Variants in LMX1A observed in about 807,000 individuals in gnomAD.
LMX1A encodes the protein LIM homeobox transcription factor 1-alpha.
A neutral mutation model predicts 49.1 loss-of-function variants in LMX1A; 15 were observed. The ratio of observed to expected loss-of-function variants is 0.31; its 90% CI spans 0.20 to 0.47. LMX1A has a LOEUF of 0.47. LMX1A is among the 20% of genes least tolerant of loss of function. The probability of loss-of-function intolerance (pLI) is 1.00; values close to 1 mark genes in which losing one functional copy is unlikely to be tolerated. For missense variants in LMX1A, 372 were observed against 475.8 expected (o/e 0.78, Z 2.03); for synonymous variants, 167 against 185.7 (o/e 0.90, Z 0.82).
Position 165,278,548 on chromosome 1 carries a change from C to G in LMX1A, c.264-28908G>C, listed in dbSNP as rs541154970. 3.9e-3 allele frequency among the ~76,000 whole-genome samples: 593 copies of G among 152,196 alleles called. 3 individuals carry two copies. The highest frequency in any genetic ancestry group is 0.013 in the African/African-American group (560 of 41,528). ...CCACAAGTTTTTTTTTCCTTCCTGC[C>G]TGCTGCATTCTCTCTTCTCTCTTCC... On this transcript the variant is annotated intron_variant, in intron 3 of 8. Transcript: ENST00000342310.
chr1:165,336,838 A>C (rs1655912625), intron 3 of LMX1A, among the ~76,000 whole-genome samples: 1 of 152,238 alleles, frequency 6.6e-6, no homozygotes, highest in African/African-American at 2.4e-5. Flanking sequence ...ATGGAGATTA[A>C]AATCTGATGG....
At position 165,355,280 on chromosome 1, in the gene LMX1A, G is replaced by A. The variant is rs1209399124; in HGVS notation, c.76+204C>T. On this transcript the variant is annotated intron_variant, in intron 2 of 8. Coordinates refer to ENST00000342310, the MANE Select transcript of LMX1A (RefSeq NM_177398.4). The surrounding 1 kb of genome is among the most constrained non-coding windows in gnomAD (Gnocchi z 4.7). ...CTTTGGGGAATTCGGTGCCCAGTGC[G>A]TGAGGCCTGGGGCGGCTTGTTGGAT... Among the ~76,000 whole-genome samples the A allele has an allele frequency of 1.3e-5, 2 of 152,110 alleles. No individual in the cohort carries two copies. Among genetic ancestry groups the A allele is most frequent in the Non-Finnish European group, 2.9e-5 (2 of 68,042 alleles).
chr1:165,221,016 C>G (rs910797592), intron 4 of LMX1A, among the ~76,000 whole-genome samples: 1 of 152,120 alleles, frequency 6.6e-6, no homozygotes, highest in Non-Finnish European at 1.5e-5. Context: ...TACCACAACC[C>G]TATGAGACAG....
At chr1:165,293,004 C>A (rs2101717156) in intron 3 of LMX1A, among the ~76,000 whole-genome samples, 1 of 152,154 alleles carries the variant, frequency 6.6e-6, no homozygotes, top group East Asian at 1.9e-4. Context: ...GTAATCCCAG[C>A]TACTCAGGAG....
chr1:165,296,666 A>G (rs1423010135), intron 3 of LMX1A, among the ~76,000 whole-genome samples: 1 of 152,186 alleles, frequency 6.6e-6, no homozygotes, highest in Non-Finnish European at 1.5e-5. Flanking sequence ...CCTATATCAG[A>G]CCTCATATAA....
chr1:165,233,069 T>C (rs1026880121), intron 4 of LMX1A, among the ~76,000 whole-genome samples: 9 of 152,186 alleles, frequency 5.9e-5, no homozygotes, highest in Non-Finnish European at 1.2e-4. Flanking sequence ...ATAAACACTT[T>C]ATATATATTG....
intron 3 of LMX1A, among the ~76,000 whole-genome samples, chr1:165,278,210 C>G (rs1654027632): frequency 6.6e-6 from 1 of 152,202 alleles, no homozygotes; most frequent in East Asian, 1.9e-4. Context: ...GACGTCCTGT[C>G]CCAGTTTACT....
chr1:165,307,839 A>G (rs1394445), intron 3 of LMX1A, among the ~76,000 whole-genome samples: 132,734 of 152,226 alleles, frequency 0.87, 57,944 homozygotes, highest in Middle Eastern at 0.91. Flanking sequence ...ACTGGCATTT[A>G]GACTCAGAAT....
At chr1:165,289,063 A>G (rs1311238071) in intron 3 of LMX1A, among the ~76,000 whole-genome samples, 3 of 152,180 alleles carry the variant, frequency 2.0e-5, no homozygotes, top group Admixed American at 1.3e-4. Flanking sequence ...CACCCACACC[A>G]GAGACTCCAG....
At chr1:165,338,575 T>A (rs1244222934) in intron 3 of LMX1A, among the ~76,000 whole-genome samples, 1 of 152,228 alleles carries the variant, frequency 6.6e-6, no homozygotes, top group Non-Finnish European at 1.5e-5. Context: ...TGAAAAATAA[T>A]ACATCATTAA....
chr1:165,355,453 T>C lies in LMX1A; in HGVS notation c.76+31A>G, dbSNP rs991363733. The C allele has an allele frequency of 6.2e-7, 1 of 1,609,228 alleles. No homozygotes were observed. Among genetic ancestry groups the C allele is most frequent in the East Asian group, 2.2e-5 (1 of 44,768 alleles). On this transcript the variant is annotated intron_variant, in intron 2 of 8. Transcript: ENST00000342310. This position sits in a 1 kb window ranked among gnomAD's most constrained non-coding sequence, Gnocchi z 4.7. ...AGCTCAGCGCCAAGCGGAAAGAGAG[T>C]GCGCCCAGGACGCACGGCCTGAACA...
chr1:165,226,040 C>A (rs577970533), intron 4 of LMX1A, among the ~76,000 whole-genome samples: 1 of 151,512 alleles, frequency 6.6e-6, no homozygotes, highest in Non-Finnish European at 1.5e-5. Context: ...TTACAACCAT[C>A]TTTTCCTCTT....
intron 4 of LMX1A, among the ~76,000 whole-genome samples, chr1:165,228,652 T>A (rs145590408): frequency 9.4e-4 from 143 of 152,330 alleles, no homozygotes; most frequent in African/African-American, 3.3e-3. Flanking sequence ...TTCTTTGTTA[T>A]CTTCCTTGAA....
At chr1:165,206,068 A>C in intron 7 of LMX1A, 34 bp from the exon 8 acceptor site, 1 of 1,505,546 alleles carries the variant, frequency 6.6e-7, no homozygotes, top group Non-Finnish European at 8.9e-7. Context: ...GTCATTCTCA[A>C]CGTGCAGCCT....
chr1:165,250,435 A>T (rs1653015646), intron 3 of LMX1A, among the ~76,000 whole-genome samples: 1 of 152,198 alleles, frequency 6.6e-6, no homozygotes, highest in Non-Finnish European at 1.5e-5. Flanking sequence ...TCTTATCAGC[A>T]TATAAAAGGA....
intron 3 of LMX1A, among the ~76,000 whole-genome samples, chr1:165,328,882 A>G (rs915031288): frequency 3.9e-5 from 6 of 152,290 alleles, no homozygotes; most frequent in East Asian, 1.9e-4. Flanking sequence ...ATCTCTCTGG[A>G]GCAGAAATCT....
chr1:165,223,033 G>T (rs1013313744), intron 4 of LMX1A, among the ~76,000 whole-genome samples: 9 of 121,214 alleles, frequency 7.4e-5, no homozygotes, highest in Admixed American at 3.2e-4. Flanking sequence ...GTGGTGGGGT[G>T]GGGGAGTGAT....
At chr1:165,222,171 GC>G (rs1651874674) in intron 4 of LMX1A, among the ~76,000 whole-genome samples, 1 of 152,094 alleles carries the variant, frequency 6.6e-6, no homozygotes, top group African/African-American at 2.4e-5. Context: ...TTCAAATCAA[GC>G]CTGGGTAAAT....
At chr1:165,284,949 G>A (rs1242617465) in intron 3 of LMX1A, among the ~76,000 whole-genome samples, 1 of 152,234 alleles carries the variant, frequency 6.6e-6, no homozygotes, top group African/African-American at 2.4e-5. Context: ...CTTTAGGAGA[G>A]CAAGAGTGCT....
Sources: allele counts gnomAD v4.1 joint callset (sites outside exome capture counted in the v4.1 genomes callset), GRCh38; gene constraint gnomAD v4.1.1; non-coding constraint Gnocchi (gnomAD v3.1); transcripts MANE v1.5; gene names NCBI Gene and HGNC (gene_info 2026-07-23, HGNC 2026-07-21).